SLC7A8: variants seen among roughly 807,000 people sequenced by gnomAD.
SLC7A8 encodes solute carrier family 7 member 8.
Under a neutral mutation model 51.2 loss-of-function variants are expected in SLC7A8, and 30 were observed. The observed-to-expected ratio is 0.59, with a 90% CI of 0.44 to 0.80. The LOEUF (loss-of-function observed/expected upper bound fraction) is 0.80, where lower values mean the gene tolerates loss of function less well. Among genes scored for constraint, SLC7A8 ranks in the 30% least tolerant of loss-of-function variants. SLC7A8 has a pLI of 0.00. For missense variants in SLC7A8, 612 were observed against 674.4 expected (o/e 0.91, Z 1.03); for synonymous variants, 257 against 275.8 (o/e 0.93, Z 0.67).
intron 9 of SLC7A8, 56 bp downstream of exon 9, chr14:23,129,594 A>C: frequency 6.3e-7 from 1 of 1,580,618 alleles, no homozygotes; most frequent in Non-Finnish European, 8.6e-7. Context: ...AAAAATCTGA[A>C]CTGCAGCTAG....
chr14:23,179,912 T>C (rs1427824204), intron 1 of SLC7A8, among the ~76,000 whole-genome samples: 2 of 150,966 alleles, frequency 1.3e-5, no homozygotes, highest in Non-Finnish European at 3.0e-5. Flanking sequence ...TTGACTTTTT[T>C]TTTTTTTTTT....
At chr14:23,159,408 TG>T (rs1261379765) in intron 3 of SLC7A8, among the ~76,000 whole-genome samples, 1 of 152,228 alleles carries the variant, frequency 6.6e-6, no homozygotes, top group Non-Finnish European at 1.5e-5. Context: ...CTTGGATATA[TG>T]GGAATCAAAT....
chr14:23,150,891 C>T (rs1011312250), intron 3 of SLC7A8, among the ~76,000 whole-genome samples: 5 of 152,224 alleles, frequency 3.3e-5, no homozygotes, highest in African/African-American at 1.2e-4. Flanking sequence ...AAATGACCTG[C>T]TCTGGGGTCC....
intron 7 of SLC7A8, among the ~76,000 whole-genome samples, chr14:23,133,244 T>C (rs1377007396): frequency 2.6e-5 from 4 of 151,768 alleles, no homozygotes; most frequent in Non-Finnish European, 5.9e-5. Context: ...TTGAGGCCAG[T>C]CTGGGCAAAA....
chr14:23,144,810 T>A (rs1383328940), intron 3 of SLC7A8, among the ~76,000 whole-genome samples: 1 of 152,186 alleles, frequency 6.6e-6, no homozygotes, highest in Non-Finnish European at 1.5e-5. Flanking sequence ...ACAACATGCC[T>A]GCAAGGGAAG....
intron 1 of SLC7A8, among the ~76,000 whole-genome samples, chr14:23,171,442 A>G (rs1566373664): frequency 6.6e-6 from 1 of 152,200 alleles, no homozygotes; most frequent in African/African-American, 2.4e-5. Context: ...ACCAATACCC[A>G]TGTGACTCCC....
chr14:23,145,208 G>GC (rs575824273), intron 3 of SLC7A8, among the ~76,000 whole-genome samples: 276 of 151,130 alleles, frequency 1.8e-3, no homozygotes, highest in African/African-American at 6.3e-3. Context: ...CCACCGCCCG[G>GC]CCGGGATGCA....
intron 1 of SLC7A8, among the ~76,000 whole-genome samples, chr14:23,174,924 T>C (rs1248983689): frequency 3.9e-5 from 6 of 152,202 alleles, no homozygotes. Flanking sequence ...GTTTGGGATA[T>C]ACTCCTGGGA....
At chr14:23,155,340 C>T in intron 3 of SLC7A8, 7 of 1,534,112 alleles carry the variant, frequency 4.6e-6, no homozygotes, top group Non-Finnish European at 6.1e-6. Flanking sequence ...CAGCTAAGCT[C>T]CTGCCCATAC....
rs576947277 is a variant in SLC7A8 at position 23,179,297 on chromosome 14, A to G, written c.151+3467T>C. Among the ~76,000 whole-genome samples, 5 of 152,208 alleles carry G rather than the reference A, an allele frequency of 3.3e-5. No individual in the cohort carries two copies. In the East Asian group the frequency reaches 9.6e-4, roughly 29 times the overall value. On this transcript the variant is annotated intron_variant, in intron 1 of 10. Coordinates refer to ENST00000316902, the MANE Select transcript of SLC7A8 (RefSeq NM_012244.4). ...TAGTACATATGCATCTCATCCTCCC[A>G]ATCAGGATATAAGGAACTCTCTGGC... is the stretch of plus-strand genomic sequence containing the variant.
In SLC7A8 at chr14:23,144,341, A is replaced by AATTTTTTTT. The variant is rs375223021; in HGVS notation, c.509-1138_509-1137insAAAAAAAAT. On this transcript the variant is annotated intron_variant, in intron 3 of 10. Coordinates refer to ENST00000316902, the MANE Select transcript of SLC7A8 (RefSeq NM_012244.4). The stretch of plus-strand genomic sequence containing the variant: ...ATTTGGTATTGTCAGTTTAAACACA[A>AATTTTTTTT]TTTTTTTTTTTTTTTTTTTTTTGGC... 2.6e-5 allele frequency among the ~76,000 whole-genome samples: 3 copies of AATTTTTTTT among 114,352 alleles called. 1 individual carries two copies. The highest frequency in any genetic ancestry group is 5.6e-5 in the Non-Finnish European group (3 of 53,796). The allele number at this position is 114,352 out of a possible 152,430, so 75.0% of individuals were successfully genotyped here. A position where few individuals can be genotyped will look rare whatever the true frequency, so the allele number is the denominator to read the frequency against.
chr14:23,138,097 TG>T lies in SLC7A8; in HGVS notation c.913-74del, dbSNP rs974035232. 6.4e-6 allele frequency: 10 copies of T among 1,557,736 alleles called. No homozygotes were observed. In the African/African-American group the frequency reaches 1.4e-4, roughly 21 times the overall value. On this transcript the variant is annotated intron_variant, in intron 6 of 10. Coordinates refer to ENST00000316902, the MANE Select transcript of SLC7A8 (RefSeq NM_012244.4). ...CGACCCCTCAGCTCCCACTTCACTC[TG>T]GGAAACCGTTTCTCCTATCTCCACC... is the stretch of plus-strand genomic sequence containing the variant.
chr14:23,171,941 C>T (rs1461957212), intron 1 of SLC7A8, among the ~76,000 whole-genome samples: 1 of 152,188 alleles, frequency 6.6e-6, no homozygotes, highest in Non-Finnish European at 1.5e-5. Context: ...GAAGTCACTG[C>T]AGAACACTGC....
chr14:23,154,311 C>G, intron 3 of SLC7A8: 2 of 1,000,380 alleles, frequency 2.0e-6, no homozygotes, highest in Non-Finnish European at 2.4e-6. Flanking sequence ...GGCCAGCTCC[C>G]ACAGACTCCC....
At chr14:23,151,363 A>G (rs2048845244) in intron 3 of SLC7A8, among the ~76,000 whole-genome samples, 1 of 152,218 alleles carries the variant, frequency 6.6e-6, no homozygotes, top group Non-Finnish European at 1.5e-5. Flanking sequence ...AATATGTCAT[A>G]GGATGGCCCA....
At chr14:23,155,213 T>C (rs780172421) in intron 3 of SLC7A8, 29 of 1,535,936 alleles carry the variant, frequency 1.9e-5, no homozygotes, top group Non-Finnish European at 2.4e-5. Context: ...GGAGGTGCTC[T>C]GAGCCTTCCG....
At chr14:23,142,941 G>A in intron 4 of SLC7A8, 138 bp downstream of exon 4, 2 of 1,151,388 alleles carry the variant, frequency 1.7e-6, no homozygotes, top group Non-Finnish European at 2.4e-6. Context: ...GTCAAGCAAG[G>A]GAAGAAGAAG....
At chr14:23,163,773 T>A (rs2140333690) in intron 3 of SLC7A8, among the ~76,000 whole-genome samples, 1 of 152,308 alleles carries the variant, frequency 6.6e-6, no homozygotes, top group South Asian at 2.1e-4. Context: ...AGTATTTACT[T>A]TAGAAATTAG....
At chr14:23,148,487 C>T (rs1444490205) in intron 3 of SLC7A8, among the ~76,000 whole-genome samples, 1 of 152,204 alleles carries the variant, frequency 6.6e-6, no homozygotes, top group East Asian at 1.9e-4. Context: ...CTCGGCCTCC[C>T]AAAGTGCTGG....
Sources: gnomAD v4.1 joint callset for allele counts (sites outside exome capture counted in the v4.1 genomes callset) on GRCh38, gnomAD v4.1.1 for gene constraint, MANE v1.5 for transcripts, NCBI Gene and HGNC (gene_info 2026-07-23, HGNC 2026-07-21) for gene names.